NPHP4: variants seen among roughly 807,000 people sequenced by gnomAD.
NPHP4 encodes the protein nephrocystin 4, also known as nephrocystin-4.
NPHP4 carries 151 observed loss-of-function variants against 155.8 expected under a neutral mutation model. That is an observed-to-expected ratio of 0.97 (90% CI 0.85 to 1.11). NPHP4 has a LOEUF of 1.11. NPHP4 is among the 50% of genes least tolerant of loss of function. The pLI, the probability that NPHP4 is intolerant of heterozygous loss-of-function variation, is 0.00. For synonymous variants in NPHP4, 845 were observed against 816.8 expected (o/e 1.03, Z -0.59); for missense variants, 1,956 against 1,925.7 (o/e 1.02, Z -0.29).
intron 11 of NPHP4, among the ~76,000 whole-genome samples, chr1:5,911,814 G>A (rs888760992): frequency 5.3e-5 from 8 of 152,140 alleles, no homozygotes; most frequent in African/African-American, 1.9e-4. Context: ...TGTTCGATGT[G>A]GTTATGGGTT....
chr1:5,964,567 C>G (rs1650988612), intron 5 of NPHP4, among the ~76,000 whole-genome samples: 1 of 152,122 alleles, frequency 6.6e-6, no homozygotes. Flanking sequence ...GTCAATGTGC[C>G]TGGAGTCCCA....
At chr1:5,955,278 G>A (rs762682273) in intron 6 of NPHP4, among the ~76,000 whole-genome samples, 12 of 152,148 alleles carry the variant, frequency 7.9e-5, no homozygotes, top group Non-Finnish European at 1.2e-4. Flanking sequence ...TATACAATAC[G>A]GGTGGGACTG....
intron 8 of NPHP4, 135 bp downstream of exon 8, chr1:5,947,935 C>T: frequency 1.4e-6 from 1 of 701,982 alleles, no homozygotes; most frequent in Non-Finnish European, 2.4e-6. Flanking sequence ...CTAATGGGCA[C>T]AACTTCCAAG....
At chr1:5,872,904 CCA>C in intron 23 of NPHP4, among the ~76,000 whole-genome samples, 1 of 152,356 alleles carries the variant, frequency 6.6e-6, no homozygotes, top group East Asian at 1.9e-4. Context: ...AAGAACCACA[CCA>C]CACACTCACA....
At position 5,880,132 on chromosome 1, in the gene NPHP4, T is replaced by G. The variant is rs1254545749; in HGVS notation, c.2593A>C (p.Thr865Pro). Residue 865 changes from threonine to proline, a missense_variant, in exon 19 of 30, where the codon ACG becomes CCG. Physicochemically the swap from Thr to Pro is conservative, Grantham distance 38. Transcript: ENST00000378156. ...AACTCACGCCTTGAGCTTCCAGTCG[T>G]GAGGAGGCTGCCTCCAGAGAAGCGG... is the stretch of plus-strand genomic sequence containing the variant. ...ASRFSGGSLL[T>P]TGSSRRKHVV... 6 of 1,613,564 alleles carry G rather than the reference T, an allele frequency of 3.7e-6. No homozygotes were observed. Among genetic ancestry groups the G allele is most frequent in the Non-Finnish European group, 5.1e-6 (6 of 1,179,738 alleles).
At chr1:5,961,750 A>G (rs928255865) in intron 6 of NPHP4, 44 bp downstream of exon 6, 1 of 1,583,316 alleles carries the variant, frequency 6.3e-7, no homozygotes, top group Non-Finnish European at 8.6e-7. Flanking sequence ...GTGAACTAGG[A>G]CAGACTCACC....
intron 7 of NPHP4, 68 bp from the exon 8 acceptor site, chr1:5,948,319 G>C: frequency 4.1e-6 from 5 of 1,228,490 alleles, no homozygotes; most frequent in Non-Finnish European, 5.5e-6. Flanking sequence ...GAAGTCCCTG[G>C]GGGAGGCGAG....
intron 7 of NPHP4, among the ~76,000 whole-genome samples, chr1:5,949,371 A>ACACACACACAC (rs1329287886): frequency 2.9e-3 from 54 of 18,312 alleles, no homozygotes; most frequent in African/African-American, 0.014. Flanking sequence ...CACACACACA[A>ACACACACACAC]CTTGCTAACT....
At chr1:5,972,748 CT>C (rs908984579) in intron 3 of NPHP4, among the ~76,000 whole-genome samples, 16 of 152,036 alleles carry the variant, frequency 1.1e-4, no homozygotes, top group African/African-American at 3.6e-4. Context: ...TTCTTTCTTT[CT>C]TTTTTTTCAT....
chr1:5,898,398 C>G (rs1435202844), intron 16 of NPHP4, among the ~76,000 whole-genome samples: 1 of 152,250 alleles, frequency 6.6e-6, no homozygotes, highest in Non-Finnish European at 1.5e-5. Context: ...TCCAAACACC[C>G]AAACACGGAG....
chr1:5,948,635 G>GC (rs1647294935), intron 7 of NPHP4, among the ~76,000 whole-genome samples: 3 of 151,218 alleles, frequency 2.0e-5, no homozygotes, highest in South Asian at 2.1e-4. Context: ...CTCCCCCAGA[G>GC]CCCCCCTTTC....
chr1:5,974,686 A>G (rs201594935), intron 3 of NPHP4, among the ~76,000 whole-genome samples: 1 of 5,250 alleles, frequency 1.9e-4, no homozygotes, highest in Non-Finnish European at 3.2e-4. Context: ...TCATTTGCAG[A>G]AAAAAAAAAA....
chr1:5,864,421 G>A lies in NPHP4; in HGVS notation c.3913C>T (p.Leu1305Phe). 3 of 1,611,650 alleles carry A rather than the reference G, an allele frequency of 1.9e-6. No individual in the cohort carries two copies. The highest frequency in any genetic ancestry group is 2.5e-6 in the Non-Finnish European group (3 of 1,179,168). ...TGGCAATCCACGTCCACCAGGTTGA[G>A]ATGGACAAAGCGGCTGCCGGCCCTA... ...PLRAGSRFVHLNLVDVDCHQL... is the reference protein window; with the variant it reads ...PLRAGSRFVHFNLVDVDCHQL... The change falls in exon 28 of 30, where the codon CTC (leucine) becomes TTC (phenylalanine). Residue 1305 changes from leucine to phenylalanine, a missense_variant. Transcript: ENST00000378156.
intron 11 of NPHP4, among the ~76,000 whole-genome samples, chr1:5,923,516 G>T (rs932788657): frequency 2.6e-5 from 4 of 152,174 alleles, no homozygotes; most frequent in Admixed American, 6.5e-5. Context: ...CGCGGATCAG[G>T]AAACTTCCTA....
chr1:5,976,804 A>G (rs151164872), intron 3 of NPHP4, among the ~76,000 whole-genome samples: 1 of 152,188 alleles, frequency 6.6e-6, no homozygotes, highest in African/African-American at 2.4e-5. Context: ...CAAGACACAC[A>G]TAATCCAAGC....
chr1:5,865,531 C>T, intron 26 of NPHP4: 1 of 427,906 alleles, frequency 2.3e-6, no homozygotes. Context: ...TCTCAGGGCG[C>T]AGCAGGGCTG....
intron 6 of NPHP4, among the ~76,000 whole-genome samples, chr1:5,953,731 G>A (rs1014203888): frequency 6.6e-6 from 1 of 152,200 alleles, no homozygotes; most frequent in African/African-American, 2.4e-5. Context: ...CTGAGAGAGG[G>A]AAGGACCCTG....
chr1:5,868,031 CG>C (rs1264543623), intron 23 of NPHP4, 135 bp from the exon 24 acceptor site: 9 of 955,124 alleles, frequency 9.4e-6, no homozygotes, highest in Non-Finnish European at 1.3e-5. Context: ...CGGGGAAGGT[CG>C]GGCATCGTCA....
chr1:5,961,589 G>A (rs1650321765), intron 6 of NPHP4, among the ~76,000 whole-genome samples: 1 of 152,152 alleles, frequency 6.6e-6, no homozygotes, highest in Admixed American at 6.5e-5. Context: ...AAGGATGTGA[G>A]ACACTATTTA....
Sources: gnomAD v4.1 joint callset for allele counts (sites outside exome capture counted in the v4.1 genomes callset) on GRCh38, gnomAD v4.1.1 for gene constraint, MANE v1.5 for transcripts, NCBI Gene and HGNC (gene_info 2026-07-23, HGNC 2026-07-21) for gene names.